PLCE1: variants seen among roughly 807,000 people sequenced by gnomAD.
PLCE1 encodes the protein 1-phosphatidylinositol 4,5-bisphosphate phosphodiesterase epsilon-1.
Under a neutral mutation model 242.8 loss-of-function variants are expected in PLCE1, and 119 were observed. The observed-to-expected ratio is 0.49, with a 90% CI of 0.42 to 0.57. PLCE1 has a LOEUF of 0.57. Among genes scored for constraint, PLCE1 ranks in the 20% least tolerant of loss-of-function variants. The pLI is 0.00. For synonymous variants in PLCE1, 945 were observed against 1,017.4 expected (o/e 0.93, Z 1.35); for missense variants, 2,441 against 2,788.8 (o/e 0.88, Z 2.81).
At position 94,228,679 on chromosome 10, in the gene PLCE1, A is replaced by G. The variant is rs76156339; in HGVS notation, c.1955+1228A>G. ...GTTAGGGGAGGAGATGAAAACTCCC[A>G]GAGTTCTAATTTTTTTTTTGTCGTT... On this transcript the variant is annotated intron_variant, in intron 5 of 32. Coordinates refer to ENST00000371380, the MANE Select transcript of PLCE1 (RefSeq NM_016341.4). Among the ~76,000 whole-genome samples the G allele has an allele frequency of 2.9e-3, 436 of 152,280 alleles. 2 individuals carry two copies. Among genetic ancestry groups the G allele is most frequent in the Non-Finnish European group, 4.7e-3 (318 of 68,024 alleles).
intron 1 of PLCE1, among the ~76,000 whole-genome samples, chr10:94,029,855 T>A (rs1016038143): frequency 6.6e-6 from 1 of 152,184 alleles, no homozygotes; most frequent in African/African-American, 2.4e-5. Flanking sequence ...GAGCAACTGC[T>A]TCTCCTGGAA....
intron 2 of PLCE1, among the ~76,000 whole-genome samples, chr10:94,117,864 G>T (rs1031484167): frequency 2.2e-4 from 34 of 152,154 alleles, no homozygotes; most frequent in Admixed American, 1.9e-3. Flanking sequence ...GAAGCCCAGG[G>T]TATCTGGAGA....
intron 3 of PLCE1, among the ~76,000 whole-genome samples, chr10:94,169,727 A>T (rs1328530485): frequency 6.6e-6 from 1 of 152,200 alleles, no homozygotes; most frequent in Non-Finnish European, 1.5e-5. Context: ...CTGAAGTTAG[A>T]TAATAGGAAT....
At chr10:94,119,220 C>T (rs1397131020) in intron 2 of PLCE1, among the ~76,000 whole-genome samples, 1 of 152,120 alleles carries the variant, frequency 6.6e-6, no homozygotes, top group African/African-American at 2.4e-5. Context: ...TATAGGAAAT[C>T]TTAGAAGTCA....
chr10:94,189,814 A>G (rs144429677), intron 4 of PLCE1, among the ~76,000 whole-genome samples: 5 of 152,302 alleles, frequency 3.3e-5, no homozygotes, highest in African/African-American at 9.6e-5. Context: ...CACCCATGAC[A>G]TCATTTTGGG....
chr10:94,266,056 G>A (rs1194879732), intron 16 of PLCE1, 98 bp downstream of exon 16: 12 of 1,101,488 alleles, frequency 1.1e-5, no homozygotes, highest in Non-Finnish European at 1.7e-5. Flanking sequence ...CCTTTGAAGA[G>A]CTTATAGAGT....
intron 1 of PLCE1, among the ~76,000 whole-genome samples, chr10:94,008,500 C>T (rs181165312): frequency 3.3e-5 from 5 of 152,120 alleles, no homozygotes; most frequent in Non-Finnish European, 5.9e-5. Flanking sequence ...ATAAAGACAG[C>T]GTTTCACTAC....
intron 22 of PLCE1, among the ~76,000 whole-genome samples, chr10:94,293,112 A>G (rs1196458544): frequency 1.3e-5 from 2 of 152,218 alleles, no homozygotes; most frequent in Non-Finnish European, 2.9e-5. Context: ...GCAGGAATTG[A>G]ACCTAGACAC....
intron 2 of PLCE1, among the ~76,000 whole-genome samples, chr10:94,122,859 G>T (rs943947205): frequency 2.6e-5 from 4 of 152,202 alleles, no homozygotes; most frequent in Admixed American, 2.6e-4. Context: ...GTAGGCCTGC[G>T]ATGGAGCCCA....
In PLCE1 at chr10:94,246,657, A is replaced by G. The variant is rs377599715; in HGVS notation, c.3096+36A>G. On this transcript the variant is annotated intron_variant, in intron 8 of 32. Transcript: ENST00000371380. ...CAGCCATCCCTCTTTCCTCACTGGC[A>G]TAATACTCAAGAGCACACACTGGGT... 5 of 1,580,972 alleles carry G rather than the reference A, an allele frequency of 3.2e-6. No homozygotes were observed. The African/African-American group carries it at 4.0e-5, about 13-fold the overall frequency.
intron 5 of PLCE1, among the ~76,000 whole-genome samples, chr10:94,231,694 G>A (rs1362886328): frequency 1.3e-5 from 2 of 152,106 alleles, no homozygotes; most frequent in African/African-American, 4.8e-5. Flanking sequence ...CGGGGTGTGG[G>A]GGTGGGGGCA....
intron 2 of PLCE1, among the ~76,000 whole-genome samples, chr10:94,123,610 C>T (rs906204860): frequency 1.3e-5 from 2 of 152,218 alleles, no homozygotes; most frequent in African/African-American, 4.8e-5. Flanking sequence ...CCAACAGCCT[C>T]ACTGTTTTTG....
intron 2 of PLCE1, among the ~76,000 whole-genome samples, chr10:94,129,287 G>A (rs759009834): frequency 1.3e-5 from 2 of 152,204 alleles, no homozygotes; most frequent in African/African-American, 2.4e-5. Context: ...TAATTATTTG[G>A]CACAGCACTA....
intron 2 of PLCE1, chr10:94,089,253 T>C: frequency 6.2e-7 from 1 of 1,614,044 alleles, no homozygotes; most frequent in Non-Finnish European, 8.5e-7. Context: ...AAGCAGGCTG[T>C]CAGCTGTGGC....
chr10:94,288,202 C>T (rs1337535883), intron 22 of PLCE1, among the ~76,000 whole-genome samples: 1 of 152,118 alleles, frequency 6.6e-6, no homozygotes, highest in Admixed American at 6.6e-5. Context: ...GTCATACCCA[C>T]CAGGTAGTTT....
chr10:94,228,475 A>G (rs1377539359), intron 5 of PLCE1, among the ~76,000 whole-genome samples: 5 of 152,208 alleles, frequency 3.3e-5, no homozygotes, highest in East Asian at 1.9e-4. Context: ...GTGAAATAAT[A>G]TAGTATTTGA....
intron 27 of PLCE1, among the ~76,000 whole-genome samples, chr10:94,310,868 C>G (rs549528616): frequency 7.9e-5 from 12 of 152,204 alleles, no homozygotes; most frequent in Non-Finnish European, 8.8e-5. Flanking sequence ...GGGCTCAGTC[C>G]CACAAGACTA....
At chr10:94,284,743 A>C in intron 21 of PLCE1, 105 bp from the exon 22 acceptor site, 1 of 752,754 alleles carries the variant, frequency 1.3e-6, no homozygotes, top group Non-Finnish European at 2.5e-6. Flanking sequence ...TGCAAGGGGA[A>C]ATACAGTAAT....
chr10:94,327,276 AAAG>A (rs1478358873), intron 32 of PLCE1, among the ~76,000 whole-genome samples: 3 of 152,016 alleles, frequency 2.0e-5, no homozygotes, highest in Admixed American at 6.5e-5. Context: ...TTGTAAAAGA[AAAG>A]AAGAGCTCAT....
Sources: allele counts gnomAD v4.1 joint callset (sites outside exome capture counted in the v4.1 genomes callset), GRCh38; gene constraint gnomAD v4.1.1; transcripts MANE v1.5; gene names NCBI Gene and HGNC (gene_info 2026-07-23, HGNC 2026-07-21).